Variants in IKBKB observed in about 807,000 individuals in gnomAD.
The protein encoded by IKBKB is inhibitor of nuclear factor kappa B kinase subunit beta.
A neutral mutation model predicts 113.6 loss-of-function variants in IKBKB; 42 were observed. That is an observed-to-expected ratio of 0.37 (90% CI 0.29 to 0.48). The LOEUF (loss-of-function observed/expected upper bound fraction) is 0.48. Ranked by LOEUF, IKBKB falls within the 20% of genes least tolerant of loss-of-function variation. The pLI, the probability that IKBKB is intolerant of heterozygous loss-of-function variation, is 0.99. For missense variants in IKBKB, 673 were observed against 939.7 expected (o/e 0.72, Z 3.71); for synonymous variants, 296 against 361.3 (o/e 0.82, Z 2.05).
At chr8:42,330,699 G>A (rs1024551798) in intron 21 of IKBKB, 42 of 416,066 alleles carry the variant, frequency 1.0e-4, no homozygotes, top group African/African-American at 6.5e-5. Context: ...TAGTAGAAAT[G>A]GGGTTTCACC....
chr8:42,279,788 A>C (rs1489960322), intron 2 of IKBKB, among the ~76,000 whole-genome samples: 2 of 152,168 alleles, frequency 1.3e-5, no homozygotes, highest in Non-Finnish European at 2.9e-5. Context: ...TTAGGCTCTC[A>C]TTGTTCACCA....
chr8:42,296,432 C>T (rs954119295), intron 5 of IKBKB, among the ~76,000 whole-genome samples: 1 of 152,192 alleles, frequency 6.6e-6, no homozygotes, highest in African/African-American at 2.4e-5. Flanking sequence ...GAGTTCGAGG[C>T]CAGCCTGGCC....
chr8:42,277,235 T>C (rs1292606897), intron 2 of IKBKB, among the ~76,000 whole-genome samples: 47 of 143,952 alleles, frequency 3.3e-4, no homozygotes, highest in African/African-American at 1.2e-3. Context: ...CAGGCTGGAG[T>C]GCAGTGGCTT....
chr8:42,296,720 T>G (rs1813918525), intron 5 of IKBKB, among the ~76,000 whole-genome samples: 1 of 152,044 alleles, frequency 6.6e-6, no homozygotes, highest in African/African-American at 2.4e-5. Context: ...AGGACCTAGT[T>G]TTTTTTTAAA....
At chr8:42,314,254 C>T (rs948591388) in intron 8 of IKBKB, 68 bp from the exon 9 acceptor site, 33 of 1,131,616 alleles carry the variant, frequency 2.9e-5, no homozygotes, top group African/African-American at 4.6e-5. Context: ...CACCTAATGA[C>T]GAATTTCTTA....
Position 42,322,124 on chromosome 8 carries a change from G to T in IKBKB, c.1809G>T (p.Lys603Asn), listed in dbSNP as rs746747749. 8.1e-6 allele frequency: 13 copies of T among 1,613,864 alleles called. No individual in the cohort carries two copies. In the South Asian group the frequency reaches 1.4e-4, roughly 18 times the overall value. ...TTCAGGCAATTCAGAGCTTCGAGAA[G>T]AAAGTGCGAGTGATCTATACGCAGC... ...LLLQAIQSFEKKVRVIYTQLS... is the reference protein window; with the variant it reads ...LLLQAIQSFENKVRVIYTQLS... Residue 603 changes from lysine (K) to asparagine (N), a missense_variant, in exon 18 of 22, where the codon AAG (lysine) becomes AAT (asparagine). This residue lies in a region of IKBKB where 506 missense variants were observed against 638.7 expected (regional missense o/e 0.79). Transcript: ENST00000520810.
intron 8 of IKBKB, among the ~76,000 whole-genome samples, chr8:42,312,944 C>G (rs1472297381): frequency 6.6e-6 from 1 of 152,134 alleles, no homozygotes; most frequent in African/African-American, 2.4e-5. Flanking sequence ...GGTTTGAGCC[C>G]CTGATTCTGC....
At chr8:42,302,332 C>T (rs1815392995) in intron 5 of IKBKB, among the ~76,000 whole-genome samples, 1 of 152,128 alleles carries the variant, frequency 6.6e-6, no homozygotes, top group Non-Finnish European at 1.5e-5. Context: ...TGGAAAGCAG[C>T]GAGTCTTTCA....
intron 2 of IKBKB, among the ~76,000 whole-genome samples, chr8:42,284,798 G>A (rs79881854): frequency 0.035 from 5,255 of 151,858 alleles, 102 homozygotes; most frequent in Non-Finnish European, 0.042. Context: ...ACCAGGAATC[G>A]GGAGGTACAG....
chr8:42,297,378 CT>C (rs1169086209), intron 5 of IKBKB, among the ~76,000 whole-genome samples: 1 of 152,172 alleles, frequency 6.6e-6, no homozygotes, highest in African/African-American at 2.4e-5. Flanking sequence ...CACTGCTGTT[CT>C]CTGCCAGGTT....
intron 2 of IKBKB, among the ~76,000 whole-genome samples, chr8:42,273,183 G>C (rs934083517): frequency 1.6e-4 from 24 of 151,974 alleles, no homozygotes; most frequent in African/African-American, 5.3e-4. Context: ...TTGGGAGGCC[G>C]AGGCAGGAGG....
intron 4 of IKBKB, among the ~76,000 whole-genome samples, 183 bp from the exon 5 acceptor site, chr8:42,293,257 TCTC>T (rs533626590): frequency 3.3e-5 from 5 of 151,784 alleles, no homozygotes; most frequent in East Asian, 1.9e-4. Context: ...GCTTCCTCTT[TCTC>T]CTCCTCCTCC....
At chr8:42,317,019 T>G (rs993196654) in intron 11 of IKBKB, 115 bp downstream of exon 11, 6 of 993,590 alleles carry the variant, frequency 6.0e-6, no homozygotes, top group African/African-American at 1.6e-5. Context: ...AATCACACAG[T>G]GCGGATACCT....
chr8:42,298,928 C>T (rs1013605618), intron 5 of IKBKB, among the ~76,000 whole-genome samples: 15 of 152,146 alleles, frequency 9.9e-5, no homozygotes, highest in Non-Finnish European at 1.8e-4. Context: ...TTCGCCTGTC[C>T]GTCCTTCCCT....
intron 14 of IKBKB, 55 bp downstream of exon 14, chr8:42,319,476 T>G: frequency 6.2e-7 from 1 of 1,605,506 alleles, no homozygotes; most frequent in East Asian, 2.2e-5. Flanking sequence ...TCTTTTTCTC[T>G]TTCTAAGGTT....
At chr8:42,298,717 C>T (rs538362752) in intron 5 of IKBKB, among the ~76,000 whole-genome samples, 9 of 152,262 alleles carry the variant, frequency 5.9e-5, no homozygotes, top group South Asian at 4.1e-4. Flanking sequence ...ATGTCATGGC[C>T]GCAGCGTCCC....
chr8:42,320,823 A>T lies in IKBKB; in HGVS notation c.1667A>T (p.Gln556Leu), dbSNP rs779278875. Residue 556 changes from glutamine (Q) to leucine (L), a missense_variant, in exon 16 of 22, where the codon CAG (glutamine) becomes CTG (leucine). Gln to Leu is a moderately radical substitution (Grantham distance 113). Transcript: ENST00000520810. Reference protein sequence around the residue: ...DLQRSPMGRKQGGTLDDLEEQ... With the variant: ...DLQRSPMGRKLGGTLDDLEEQ... Reference sequence around the variant, plus strand: ...CAGAGGAGCCCCATGGGCCGGAAGCAGGGGGGAACGCTGGACGACCTGTGA... The same window carrying T: ...CAGAGGAGCCCCATGGGCCGGAAGCTGGGGGGAACGCTGGACGACCTGTGA... 1.9e-6 allele frequency: 3 copies of T among 1,600,646 alleles called. No individual in the cohort carries two copies. Among genetic ancestry groups the T allele is most frequent in the Non-Finnish European group, 2.6e-6 (3 of 1,173,334 alleles).
At chr8:42,271,590 G>C in intron 1 of IKBKB, 121 bp downstream of exon 1, 1 of 555,326 alleles carries the variant, frequency 1.8e-6, no homozygotes, top group East Asian at 3.3e-5. Flanking sequence ...ACTGGGGAGC[G>C]TTTCACTTGT....
At chr8:42,318,779 G>A (rs1819199748) in intron 13 of IKBKB, 104 bp downstream of exon 13, 4 of 1,132,596 alleles carry the variant, frequency 3.5e-6, no homozygotes, top group East Asian at 2.6e-5. Flanking sequence ...CAACCGTTAT[G>A]AGCAACAAAA....
Sources: gnomAD v4.1 joint callset for allele counts (sites outside exome capture counted in the v4.1 genomes callset) on GRCh38, gnomAD v4.1.1 for gene constraint, gnomAD v4.1.1 regional missense constraint, MANE v1.5 for transcripts, NCBI Gene and HGNC (gene_info 2026-07-23, HGNC 2026-07-21) for gene names.